The following SCHIP1 variants were observed in gnomAD, a reference collection of about 807,000 sequenced individuals.
SCHIP1 encodes the protein schwannomin-interacting protein 1.
SCHIP1 carries 8 observed loss-of-function variants against 29.7 expected under a neutral mutation model. That is an observed-to-expected ratio of 0.27 (90% CI 0.16 to 0.49). The LOEUF is 0.49. Among genes scored for constraint, SCHIP1 ranks in the 20% least tolerant of loss-of-function variants. SCHIP1 has a pLI of 0.99. For missense variants in SCHIP1, 193 were observed against 294.6 expected (o/e 0.66, Z 2.52); for synonymous variants, 76 against 94.9 (o/e 0.80, Z 1.16).
At chr3:159,828,378 T>C in the SCHIP1 span, among the ~76,000 whole-genome samples, 112 of 74,532 alleles carry the variant, frequency 1.5e-3, 1 homozygote, top group East Asian at 2.8e-3. Context: ...TATATATACA[T>C]ATATATATAC....
chr3:159,310,895 A>C, the SCHIP1 span, among the ~76,000 whole-genome samples: 1 of 152,146 alleles, frequency 6.6e-6, no homozygotes, highest in East Asian at 1.9e-4. Flanking sequence ...TAAGATTTGC[A>C]TGCCGGAATT....
the SCHIP1 span, among the ~76,000 whole-genome samples, chr3:159,396,491 C>G: frequency 6.8e-6 from 1 of 147,652 alleles, no homozygotes; most frequent in South Asian, 2.2e-4. Context: ...GTGCTTCCTT[C>G]AGGAGCTCTT....
At chr3:159,878,810 AAAAT>A (rs1410110467) in intron 2 of SCHIP1, among the ~76,000 whole-genome samples, 1 of 145,542 alleles carries the variant, frequency 6.9e-6, no homozygotes, top group Non-Finnish European at 1.5e-5. Context: ...AAAAAATAAA[AAAAT>A]AAAAAATAAA....
rs562314595 is a variant in SCHIP1, at chr3:159,895,358, C to T, written c.684-1365C>T. The stretch of plus-strand genomic sequence containing the variant: ...CTGATATGACACATTCTGCATAAAA[C>T]CAGTGAGTTCAACTTGACATCACTG... On this transcript the variant is annotated intron_variant, in intron 6 of 6. Coordinates refer to ENST00000445224, the Ensembl canonical transcript of SCHIP1. Among the ~76,000 whole-genome samples the T allele has an allele frequency of 4.8e-4, 73 of 152,296 alleles. 1 individual carries two copies. Among genetic ancestry groups the T allele is most frequent in the African/African-American group, 1.7e-3 (72 of 41,568 alleles).
the SCHIP1 span, among the ~76,000 whole-genome samples, chr3:159,829,347 G>C: frequency 6.6e-6 from 1 of 152,058 alleles, no homozygotes; most frequent in South Asian, 2.1e-4. Context: ...AGATTAATTT[G>C]TACCTATTAT....
chr3:159,724,448 G>T, the SCHIP1 span, among the ~76,000 whole-genome samples: 1 of 151,956 alleles, frequency 6.6e-6, no homozygotes, highest in Non-Finnish European at 1.5e-5. Context: ...TTTTCCCCAG[G>T]GCATTCATAG....
chr3:159,474,429 G>T, the SCHIP1 span, among the ~76,000 whole-genome samples: 1 of 152,042 alleles, frequency 6.6e-6, no homozygotes, highest in South Asian at 2.1e-4. Context: ...TTGCTAAATT[G>T]CCAAAGCAAT....
chr3:159,520,522 C>T, the SCHIP1 span, among the ~76,000 whole-genome samples: 1 of 152,088 alleles, frequency 6.6e-6, no homozygotes, highest in East Asian at 1.9e-4. Flanking sequence ...TTGGAAGAGC[C>T]CAAATCTATA....
chr3:159,890,741 T>G (rs1246228818), intron 5 of SCHIP1, among the ~76,000 whole-genome samples: 1 of 152,180 alleles, frequency 6.6e-6, no homozygotes, highest in East Asian at 1.9e-4. Context: ...TTTTCAGGAA[T>G]AGATGAAATT....
At chr3:159,330,114 A>G in the SCHIP1 span, among the ~76,000 whole-genome samples, 1 of 152,258 alleles carries the variant, frequency 6.6e-6, no homozygotes, top group East Asian at 1.9e-4. Context: ...TATCAGGACT[A>G]TTGTGATATG....
chr3:159,488,792 GATAA>G, the SCHIP1 span, among the ~76,000 whole-genome samples: 1 of 152,194 alleles, frequency 6.6e-6, no homozygotes, highest in Non-Finnish European at 1.5e-5. Flanking sequence ...CTATGGAGAG[GATAA>G]ATATTCGTCA....
At chr3:159,799,954 C>T in the SCHIP1 span, among the ~76,000 whole-genome samples, 1 of 152,130 alleles carries the variant, frequency 6.6e-6, no homozygotes, top group Non-Finnish European at 1.5e-5. Context: ...GGGTCTAGTT[C>T]AGTTGGGACC....
the SCHIP1 span, among the ~76,000 whole-genome samples, chr3:159,478,463 A>G: frequency 3.5e-4 from 54 of 152,258 alleles, no homozygotes; most frequent in East Asian, 9.7e-4. Context: ...TGCCAGTACC[A>G]TGCTGTTTTG....
At chr3:159,684,077 C>A in the SCHIP1 span, among the ~76,000 whole-genome samples, 2 of 152,124 alleles carry the variant, frequency 1.3e-5, no homozygotes, top group Non-Finnish European at 2.9e-5. Flanking sequence ...TTGAGCACAC[C>A]TTTTATATAT....
chr3:159,343,469 G>A, the SCHIP1 span, among the ~76,000 whole-genome samples: 3 of 152,186 alleles, frequency 2.0e-5, no homozygotes, highest in Non-Finnish European at 2.9e-5. Context: ...CTTGGCTTCA[G>A]GCTTAGAACT....
the SCHIP1 span, among the ~76,000 whole-genome samples, chr3:159,329,231 C>G: frequency 6.6e-6 from 1 of 152,056 alleles, no homozygotes; most frequent in Non-Finnish European, 1.5e-5. Context: ...CACATATGCA[C>G]ACACACACAC....
At chr3:159,557,160 T>C in the SCHIP1 span, among the ~76,000 whole-genome samples, 2 of 151,842 alleles carry the variant, frequency 1.3e-5, no homozygotes, top group South Asian at 2.1e-4. Context: ...GGTTTCACCA[T>C]GTTAGCCAGG....
At chr3:159,876,372 G>T (rs1028319602) in intron 2 of SCHIP1, among the ~76,000 whole-genome samples, 2 of 152,134 alleles carry the variant, frequency 1.3e-5, no homozygotes, top group African/African-American at 4.8e-5. Context: ...TGACTCTGCC[G>T]CTTACTAGCA....
At chr3:159,519,768 G>T in the SCHIP1 span, among the ~76,000 whole-genome samples, 1 of 151,706 alleles carries the variant, frequency 6.6e-6, no homozygotes, top group African/African-American at 2.4e-5. Flanking sequence ...ACAATATCTT[G>T]AGCACTAGCT....
Sources: gnomAD v4.1 joint callset for allele counts (sites outside exome capture counted in the v4.1 genomes callset) on GRCh38, gnomAD v4.1.1 for gene constraint, MANE v1.5 for transcripts, NCBI Gene and HGNC (gene_info 2026-07-23, HGNC 2026-07-21) for gene names.